CHL1: variants seen among roughly 807,000 people sequenced by gnomAD.
CHL1 encodes the protein neural cell adhesion molecule L1-like protein.
Under a neutral mutation model 141.9 loss-of-function variants are expected in CHL1, and 96 were observed. The observed-to-expected ratio is 0.68, with a 90% CI of 0.57 to 0.80. CHL1 has a LOEUF of 0.80. Among genes scored for constraint, CHL1 ranks in the 30% least tolerant of loss-of-function variants. The pLI is 0.00. For missense variants in CHL1, 1,820 were observed against 1,457.2 expected, an observed-to-expected ratio of 1.25 and a Z score of -4.05; for synonymous variants, 613 against 502.2, an observed-to-expected ratio of 1.22 and a Z score of -2.95.
Position 382,676 on chromosome 3 carries a change from G to A in CHL1, c.2176+5G>A, listed in dbSNP as rs1222561799. ...ATCATGAAACACCACCAGCAGGTAT[G>A]CAGGTTCTCACATCAGGTTTCTAAC... On this transcript the variant is annotated splice_donor_5th_base_variant and intron_variant, in intron 18 of 27. Transcript: ENST00000256509. 5 of 1,612,494 alleles carry A rather than the reference G, an allele frequency of 3.1e-6. No homozygotes were observed. The highest frequency in any genetic ancestry group is 2.2e-5 in the East Asian group (1 of 44,860).
intron 20 of CHL1, among the ~76,000 whole-genome samples, chr3:389,861 C>T (rs1392218382): frequency 1.3e-5 from 2 of 152,168 alleles, no homozygotes; most frequent in African/African-American, 4.8e-5. Flanking sequence ...ATGCCCTGGG[C>T]TTCAGTGGCA....
chr3:319,381 T>C lies in CHL1; in HGVS notation c.-94-302T>C, dbSNP rs141185896. On this transcript the variant is annotated intron_variant, in intron 2 of 27. Coordinates refer to ENST00000256509, the MANE Select transcript of CHL1 (RefSeq NM_006614.4). ...TACCTCCTGAATCTAAAATAGAAGTTGAGAATAAAAAAGAAAAACCACTCA... is the reference window on the plus strand; with the variant it reads ...TACCTCCTGAATCTAAAATAGAAGTCGAGAATAAAAAAGAAAAACCACTCA... Among the ~76,000 whole-genome samples, 1,275 of 151,694 alleles carry C rather than the reference T, an allele frequency of 8.4e-3. 25 individuals carry two copies. The highest frequency in any genetic ancestry group is 0.029 in the African/African-American group (1,210 of 41,402).
At chr3:297,190 C>T (rs1437653769) in intron 2 of CHL1, among the ~76,000 whole-genome samples, 1 of 152,032 alleles carries the variant, frequency 6.6e-6, no homozygotes, top group Non-Finnish European at 1.5e-5. Context: ...CACACTACTA[C>T]ACTTCAACCT....
chr3:237,230 A>G (rs1692080866), intron 1 of CHL1, among the ~76,000 whole-genome samples: 1 of 152,156 alleles, frequency 6.6e-6, no homozygotes, highest in Non-Finnish European at 1.5e-5. Context: ...AGGTCTCACA[A>G]GATCTGATGG....
At chr3:310,193 G>C (rs1321805271) in intron 2 of CHL1, among the ~76,000 whole-genome samples, 1 of 152,136 alleles carries the variant, frequency 6.6e-6, no homozygotes, top group Non-Finnish European at 1.5e-5. Flanking sequence ...ACTTTGGGAG[G>C]TCGAGGTGGG....
intron 5 of CHL1, among the ~76,000 whole-genome samples, chr3:338,911 G>T (rs1338221125): frequency 3.3e-5 from 5 of 152,018 alleles, no homozygotes; most frequent in Non-Finnish European, 7.4e-5. Flanking sequence ...TTTTTTTAAC[G>T]CTCTCAGGGA....
chr3:341,917 G>C lies in CHL1; in HGVS notation c.514G>C (p.Glu172Gln), dbSNP rs752288462. 16 of 1,601,790 alleles carry C rather than the reference G, an allele frequency of 1.0e-5. No individual in the cohort carries two copies. In the African/African-American group the frequency reaches 1.3e-4, roughly 13 times the overall value. The change falls in exon 7 of 28, where the codon GAA becomes CAA. Residue 172 changes from glutamate to glutamine, a missense_variant. Coordinates refer to ENST00000256509, the MANE Select transcript of CHL1 (RefSeq NM_006614.4). ...LHIYWMNIELEHIEQDERVYM... is the reference protein window; with the variant it reads ...LHIYWMNIELQHIEQDERVYM... ...GGCAAGATATCTCTTTTCAGAATTA[G>C]AACACATCGAACAAGATGAAAGAGT...
chr3:214,143 G>A (rs1261292109), intron 1 of CHL1, among the ~76,000 whole-genome samples: 1 of 152,130 alleles, frequency 6.6e-6, no homozygotes, highest in East Asian at 1.9e-4. Context: ...AATCTATTGA[G>A]GTGCTTTTCG....
intron 2 of CHL1, among the ~76,000 whole-genome samples, chr3:253,167 A>G (rs970455101): frequency 1.3e-5 from 2 of 152,136 alleles, no homozygotes; most frequent in Admixed American, 1.3e-4. Flanking sequence ...CATTTCTATA[A>G]TTGTACTATA....
intron 1 of CHL1, 50 bp downstream of exon 1, chr3:197,113 G>C (rs902399646): frequency 1.3e-5 from 2 of 152,636 alleles, no homozygotes; most frequent in South Asian, 4.1e-4. Flanking sequence ...GGCGCTGGGG[G>C]GGTCTCCCGT....
chr3:399,437 C>T (rs759083456), intron 26 of CHL1, among the ~76,000 whole-genome samples: 17 of 152,008 alleles, frequency 1.1e-4, no homozygotes, highest in East Asian at 3.9e-4. Context: ...GTCAGGAGAT[C>T]GAGACCATCC....
chr3:356,463 A>G (rs1703725028), intron 11 of CHL1, among the ~76,000 whole-genome samples: 1 of 152,158 alleles, frequency 6.6e-6, no homozygotes, highest in African/African-American at 2.4e-5. Context: ...CTTGAGATAT[A>G]CAACAGTGAA....
intron 5 of CHL1, among the ~76,000 whole-genome samples, chr3:329,256 T>C (rs1006730234): frequency 6.6e-6 from 1 of 152,108 alleles, no homozygotes; most frequent in Non-Finnish European, 1.5e-5. Flanking sequence ...TTCTATTCGG[T>C]AATTTCTTCT....
At chr3:304,543 A>T (rs1292811143) in intron 2 of CHL1, among the ~76,000 whole-genome samples, 5 of 152,136 alleles carry the variant, frequency 3.3e-5, no homozygotes, top group Admixed American at 2.0e-4. Context: ...TGTTTATAGT[A>T]TCCTCTGATG....
intron 2 of CHL1, among the ~76,000 whole-genome samples, chr3:261,816 AT>A (rs896360705): frequency 6.6e-6 from 1 of 152,152 alleles, no homozygotes; most frequent in South Asian, 2.1e-4. Flanking sequence ...ACTGATTATA[AT>A]TCAATCTTCA....
rs184934541 is a variant in CHL1, at chr3:303,303, G to T, written c.-94-16380G>T. On this transcript the variant is annotated intron_variant, in intron 2 of 27. Transcript: ENST00000256509. ...AGAAAGTCACTGGTAGCTTGATGGG[G>T]ATAGCATTGAATCTATACATTATTT... Among the ~76,000 whole-genome samples, 22 of 135,456 alleles carry T rather than the reference G, an allele frequency of 1.6e-4. No individual in the cohort carries two copies. In the East Asian group the frequency reaches 4.0e-3, roughly 25 times the overall value. The allele number at this position is 135,456 out of a possible 152,430, so 88.9% of individuals were successfully genotyped here.
rs9823133 is a variant in CHL1, at chr3:226,018, G to C, written c.-174-18595G>C. 2.0e-5 allele frequency among the ~76,000 whole-genome samples: 3 copies of C among 150,634 alleles called. No individual in the cohort carries two copies. In the South Asian group the frequency reaches 6.3e-4, roughly 32 times the overall value. Reference sequence around the variant, plus strand: ...AATGAGACTCTGTCTAAAAAAAAGAGACACGTTAATCTTAACTTTTTTTGA... The same window carrying C: ...AATGAGACTCTGTCTAAAAAAAAGACACACGTTAATCTTAACTTTTTTTGA... On this transcript the variant is annotated intron_variant, in intron 1 of 27. Transcript: ENST00000256509.
chr3:287,673 A>G (rs763847389), intron 2 of CHL1, among the ~76,000 whole-genome samples: 12 of 152,210 alleles, frequency 7.9e-5, no homozygotes, highest in Non-Finnish European at 1.8e-4. Context: ...ATAGCATGCT[A>G]CTTATTAGTG....
At chr3:235,948 G>A (rs1164051173) in intron 1 of CHL1, among the ~76,000 whole-genome samples, 1 of 152,166 alleles carries the variant, frequency 6.6e-6, no homozygotes, top group African/African-American at 2.4e-5. Flanking sequence ...TCTGGGAGGT[G>A]GGGCTTTTAA....
Sources: allele counts gnomAD v4.1 joint callset (sites outside exome capture counted in the v4.1 genomes callset), GRCh38; gene constraint gnomAD v4.1.1; transcripts MANE v1.5; gene names NCBI Gene and HGNC (gene_info 2026-07-23, HGNC 2026-07-21).